Variants in SH3PXD2B observed in about 807,000 individuals in gnomAD.
SH3PXD2B encodes SH3 and PX domain-containing protein 2B.
SH3PXD2B carries 37 observed loss-of-function variants against 73.1 expected under a neutral mutation model. That is an observed-to-expected ratio of 0.51 (90% confidence interval 0.39 to 0.67). SH3PXD2B has a LOEUF of 0.67. Ranked by LOEUF, SH3PXD2B falls within the 30% of genes least tolerant of loss-of-function variation. The pLI is 0.00. For missense variants in SH3PXD2B, 1,053 were observed against 1,197.8 expected, an observed-to-expected ratio of 0.88 and a Z score of 1.78; for synonymous variants, 457 against 480.5, an observed-to-expected ratio of 0.95 and a Z score of 0.64.
chr5:172,340,351 T>C (rs1412064801), intron 12 of SH3PXD2B, among the ~76,000 whole-genome samples: 1 of 152,172 alleles, frequency 6.6e-6, no homozygotes, highest in Non-Finnish European at 1.5e-5. Context: ...TGCGTGCATT[T>C]ATCTATTGAC....
In SH3PXD2B at chr5:172,336,529, G is replaced by GA; in HGVS notation, c.*1839_*1840insT. On this transcript the variant is annotated 3_prime_UTR_variant, in exon 13 of 13. Transcript: ENST00000311601. ...TCACGCAGAAGCAGCCAGCACCCACGTGATAGGGGGTGGAGCTGGGAGGCG... is the reference window on the plus strand; with the variant it reads ...TCACGCAGAAGCAGCCAGCACCCACGATGATAGGGGGTGGAGCTGGGAGGCG... 1 of 985,742 alleles carries GA rather than the reference G, an allele frequency of 1.0e-6. No individual in the cohort carries two copies. The highest frequency in any genetic ancestry group is 1.2e-6 in the Non-Finnish European group (1 of 829,964). 61.1% of individuals were successfully genotyped at this position (985,742 alleles called of 1,614,324 possible).
At chr5:172,442,990 G>A (rs1342615048) in intron 1 of SH3PXD2B, among the ~76,000 whole-genome samples, 1 of 152,154 alleles carries the variant, frequency 6.6e-6, no homozygotes, top group Non-Finnish European at 1.5e-5. Context: ...TTTGGCATCT[G>A]AGGAAACCCA....
chr5:172,336,669 C>T lies in SH3PXD2B; in HGVS notation c.*1700G>A. The T allele has an allele frequency of 1.1e-6, 1 of 925,956 alleles. No homozygotes were observed. Among genetic ancestry groups the T allele is most frequent in the Non-Finnish European group, 1.3e-6 (1 of 794,738 alleles). The allele number at this position is 925,956 out of a possible 1,614,324, so 57.4% of individuals were successfully genotyped here. On this transcript the variant is annotated 3_prime_UTR_variant, in exon 13 of 13. Transcript: ENST00000311601. ...TATCTCGCCTGATGAACACTGTGAA[C>T]TGGAGATCTCTGGGGCAGGGCAGGG...
chr5:172,454,379 G>A lies in SH3PXD2B; in HGVS notation c.-27C>T, dbSNP rs1467951148. On this transcript the variant is annotated 5_prime_UTR_variant, in exon 1 of 13. Coordinates refer to ENST00000311601, the MANE Select transcript of SH3PXD2B (RefSeq NM_001017995.3). Reference sequence around the variant, plus strand: ...GCCGCTCCTCCGCCCGCAGCGGGCCGAGCGCGGGTGCGGGTGGCGCGGGGT... The same window carrying A: ...GCCGCTCCTCCGCCCGCAGCGGGCCAAGCGCGGGTGCGGGTGGCGCGGGGT... 1.4e-6 allele frequency: 2 copies of A among 1,403,792 alleles called. No homozygotes were observed. Among genetic ancestry groups the A allele is most frequent in the Non-Finnish European group, 1.9e-6 (2 of 1,078,652 alleles). The allele number at this position is 1,403,792 out of a possible 1,614,324, so 87.0% of individuals were successfully genotyped here. A position where few individuals can be genotyped will look rare whatever the true frequency, so the allele number is the denominator to read the frequency against.
chr5:172,437,122 A>G (rs2113494994), intron 1 of SH3PXD2B, among the ~76,000 whole-genome samples: 1 of 152,242 alleles, frequency 6.6e-6, no homozygotes, highest in South Asian at 2.1e-4. Context: ...GTGGATAAGT[A>G]TGGTCCTCGT....
chr5:172,454,253 G>A (rs768166767), intron 1 of SH3PXD2B, 25 bp downstream of exon 1: 1 of 1,588,458 alleles, frequency 6.3e-7, no homozygotes, highest in South Asian at 1.1e-5. Context: ...GGCTCAAGGG[G>A]GCGTGGGGGC....
chr5:172,442,748 T>C (rs1759576738), intron 1 of SH3PXD2B, among the ~76,000 whole-genome samples: 1 of 152,206 alleles, frequency 6.6e-6, no homozygotes, highest in African/African-American at 2.4e-5. Context: ...AGGTAATTTA[T>C]TCAGCACTTC....
chr5:172,348,672 TATC>T (rs1173737903), intron 10 of SH3PXD2B, among the ~76,000 whole-genome samples: 10 of 57,426 alleles, frequency 1.7e-4, no homozygotes, highest in African/African-American at 3.5e-4. Flanking sequence ...TCTATCTATC[TATC>T]TATCTATCTA....
chr5:172,450,251 G>C lies in SH3PXD2B; in HGVS notation c.75+4027C>G, dbSNP rs374324115. ...CTGTTAAAAAAAATCCTATCTATTA[G>C]TCTATTTTTTATAAGTGCATGGGAA... On this transcript the variant is annotated intron_variant, in intron 1 of 12. Coordinates refer to ENST00000311601, the MANE Select transcript of SH3PXD2B (RefSeq NM_001017995.3). 2.8e-4 allele frequency among the ~76,000 whole-genome samples: 43 copies of C among 151,614 alleles called. No individual in the cohort carries two copies. The South Asian group carries it at 9.0e-3, about 32-fold the overall frequency.
chr5:172,336,151 T>G lies in SH3PXD2B; in HGVS notation c.*2218A>C. The stretch of plus-strand genomic sequence containing the variant: ...TCAGCACCTAGCACAGAGTAGACAC[T>G]CACAAAGTATCTGAAAGCGTCGCTG... On this transcript the variant is annotated 3_prime_UTR_variant, in exon 13 of 13. Coordinates refer to ENST00000311601, the MANE Select transcript of SH3PXD2B (RefSeq NM_001017995.3). 3 of 986,518 alleles carry G rather than the reference T, an allele frequency of 3.0e-6. No homozygotes were observed. The highest frequency in any genetic ancestry group is 3.6e-6 in the Non-Finnish European group (3 of 830,766). 61.1% of individuals were successfully genotyped at this position (986,518 alleles called of 1,614,324 possible).
chr5:172,360,710 T>C (rs886265848), intron 7 of SH3PXD2B, among the ~76,000 whole-genome samples: 1 of 152,102 alleles, frequency 6.6e-6, no homozygotes, highest in Non-Finnish European at 1.5e-5. Flanking sequence ...CATGTGCCTG[T>C]AGTCCCAGCT....
chr5:172,340,372 T>G (rs904156043), intron 12 of SH3PXD2B, among the ~76,000 whole-genome samples: 2 of 152,276 alleles, frequency 1.3e-5, no homozygotes, highest in African/African-American at 4.8e-5. Context: ...TCTCAGCTCC[T>G]CCCTACCCAG....
At chr5:172,394,728 G>C in intron 3 of SH3PXD2B, 89 bp from the exon 4 acceptor site, 3 of 1,420,432 alleles carry the variant, frequency 2.1e-6, no homozygotes, top group South Asian at 2.4e-5. Context: ...GCGGTTCCTA[G>C]GGTAGGTCTG....
chr5:172,350,727 A>ACACAC, intron 9 of SH3PXD2B, 138 bp from the exon 10 acceptor site: 1 of 803,152 alleles, frequency 1.2e-6, no homozygotes, highest in Non-Finnish European at 2.0e-6. Flanking sequence ...AGAGGTTGGC[A>ACACAC]CACACTGTGC....
rs374450475 is a variant in SH3PXD2B at position 172,422,501 on chromosome 5, G to A, written c.76-5C>T. 42 of 1,610,102 alleles carry A rather than the reference G, an allele frequency of 2.6e-5. No homozygotes were observed. The highest frequency in any genetic ancestry group is 1.6e-4 in the Middle Eastern group (1 of 6,078). ...CGTGACCCGGATGATGTAGACCTGC[G>A]GGAGCAACAGAGGAGATGGGTGTTA... On this transcript the variant is annotated splice_region_variant and splice_polypyrimidine_tract_variant and intron_variant, in intron 1 of 12. Transcript: ENST00000311601.
chr5:172,392,954 T>C (rs1201829016), intron 4 of SH3PXD2B, among the ~76,000 whole-genome samples: 1 of 152,242 alleles, frequency 6.6e-6, no homozygotes, highest in Non-Finnish European at 1.5e-5. Flanking sequence ...TACCATACTA[T>C]CCTGATTACT....
At chr5:172,351,701 T>C (rs754407784) in intron 9 of SH3PXD2B, among the ~76,000 whole-genome samples, 1 of 152,044 alleles carries the variant, frequency 6.6e-6, no homozygotes, top group Non-Finnish European at 1.5e-5. Flanking sequence ...TTGGGGAAAG[T>C]TGAACAGACC....
At chr5:172,435,644 GA>G (rs1304805883) in intron 1 of SH3PXD2B, among the ~76,000 whole-genome samples, 1 of 152,100 alleles carries the variant, frequency 6.6e-6, no homozygotes, top group African/African-American at 2.4e-5. Context: ...GCATGGTCTG[GA>G]ACTCCTGGCC....
intron 4 of SH3PXD2B, among the ~76,000 whole-genome samples, chr5:172,385,475 C>T (rs1217528141): frequency 6.6e-6 from 1 of 152,196 alleles, no homozygotes; most frequent in Non-Finnish European, 1.5e-5. Flanking sequence ...CTTAAATCCA[C>T]AAAAGGCGGC....
Sources: allele counts gnomAD v4.1 joint callset (sites outside exome capture counted in the v4.1 genomes callset), GRCh38; gene constraint gnomAD v4.1.1; transcripts MANE v1.5; gene names NCBI Gene and HGNC (gene_info 2026-07-23, HGNC 2026-07-21).